The following DNAH7 variants were observed in gnomAD, a reference collection of about 807,000 sequenced individuals.
The protein encoded by DNAH7 is dynein axonemal heavy chain 7, also known as axonemal beta dynein heavy chain 7.
In DNAH7, 397 loss-of-function variants were observed where a neutral mutation model predicts 444.6. That is an observed-to-expected ratio of 0.89 (90% confidence interval 0.82 to 0.97). The LOEUF is 0.97. DNAH7 is among the 50% of genes least tolerant of loss of function. The probability of loss-of-function intolerance (pLI) is 0.00; values close to 1 mark genes in which losing one functional copy is unlikely to be tolerated. For synonymous variants in DNAH7, 1,636 were observed against 1,624.4 expected, an observed-to-expected ratio of 1.01 and a Z score of -0.17; for missense variants, 4,902 against 4,800.8, an observed-to-expected ratio of 1.02 and a Z score of -0.62.
At position 195,895,068 on chromosome 2, in the gene DNAH7, G is replaced by A. The variant is rs186636152; in HGVS notation, c.4804C>T (p.Arg1602Cys). The change falls in exon 30 of 65, where the codon CGT (arginine) becomes TGT (cysteine). Residue 1602 changes from arginine to cysteine, a missense_variant. Coordinates refer to ENST00000312428, the MANE Select transcript of DNAH7 (RefSeq NM_018897.3). Reference protein sequence around the residue: ...ILQVYEMMIVRHGFMIVGEPF... With the variant: ...ILQVYEMMIVCHGFMIVGEPF... ...TCTCCAACAATCATAAAACCATGAC[G>A]CACAATCATCATTTCATATACTTGA... 2.2e-5 allele frequency: 35 copies of A among 1,613,282 alleles called. No individual in the cohort carries two copies. The East Asian group carries it at 6.0e-4, about 28-fold the overall frequency.
chr2:195,938,420 G>A (rs1439071972), intron 19 of DNAH7, among the ~76,000 whole-genome samples: 1 of 149,460 alleles, frequency 6.7e-6, no homozygotes, highest in Non-Finnish European at 1.5e-5. Context: ...CATCATGTTC[G>A]CCTAAATCCA....
intron 49 of DNAH7, among the ~76,000 whole-genome samples, chr2:195,820,936 C>T (rs779259463): frequency 1.3e-4 from 20 of 152,184 alleles, no homozygotes; most frequent in Non-Finnish European, 2.6e-4. Context: ...TTTTATTCCT[C>T]TCAAGGCTCT....
chr2:195,912,887 T>G (rs895820141), intron 24 of DNAH7, among the ~76,000 whole-genome samples: 3 of 152,180 alleles, frequency 2.0e-5, no homozygotes, highest in African/African-American at 7.2e-5. Flanking sequence ...AAATTCAGGC[T>G]CTCAGCCTGA....
chr2:195,864,919 G>A lies in DNAH7; in HGVS notation c.6736C>T (p.His2246Tyr), dbSNP rs1361587243. 6.2e-7 allele frequency: 1 copy of A among 1,612,814 alleles called. No homozygotes were observed. Among genetic ancestry groups the A allele is most frequent in the Admixed American group, 1.7e-5 (1 of 60,008 alleles). The change falls in exon 41 of 65, where the codon CAT (histidine) becomes TAT (tyrosine). Residue 2246 changes from histidine (H) to tyrosine (Y), a missense_variant. Physicochemically the swap from His to Tyr is moderately conservative, Grantham distance 83. Coordinates refer to ENST00000312428, the MANE Select transcript of DNAH7 (RefSeq NM_018897.3). ...AAATCCAAACGCTGAAAAAGCTCATGAAAATCTTCATACATGTAGTTTCTC... is the reference window on the plus strand; with the variant it reads ...AAATCCAAACGCTGAAAAAGCTCATAAAAATCTTCATACATGTAGTTTCTC... ...ILRNYMYEDF[H>Y]ELFQRLDFDN...
At chr2:195,969,213 T>G (rs1264925500) in intron 17 of DNAH7, among the ~76,000 whole-genome samples, 1 of 152,238 alleles carries the variant, frequency 6.6e-6, no homozygotes, top group East Asian at 1.9e-4. Flanking sequence ...TCAGCCATTT[T>G]GTTCCACCTC....
At chr2:196,029,575 T>A (rs1176351588) in intron 5 of DNAH7, among the ~76,000 whole-genome samples, 6 of 152,042 alleles carry the variant, frequency 3.9e-5, no homozygotes, top group African/African-American at 1.4e-4. Context: ...CTCAATAGTT[T>A]CACATATATT....
At position 195,816,979 on chromosome 2, in the gene DNAH7, A is replaced by G; in HGVS notation, c.9426-16T>C. On this transcript the variant is annotated splice_polypyrimidine_tract_variant and intron_variant, in intron 50 of 64. Coordinates refer to ENST00000312428, the MANE Select transcript of DNAH7 (RefSeq NM_018897.3). ...TTTTAACTGCCTGGAATAAAACAAA[A>G]TTTTCTTAGAAGAAAAAGAAGTCAT... 6.5e-7 allele frequency: 1 copy of G among 1,535,048 alleles called. No individual in the cohort carries two copies. Among genetic ancestry groups the G allele is most frequent in the Non-Finnish European group, 8.8e-7 (1 of 1,141,086 alleles).
chr2:195,821,659 T>C (rs1423732484), intron 49 of DNAH7, among the ~76,000 whole-genome samples: 2 of 152,190 alleles, frequency 1.3e-5, no homozygotes, highest in African/African-American at 2.4e-5. Flanking sequence ...GGTAAGTACC[T>C]GCTCTTACAG....
At chr2:195,827,392 C>T (rs1200709479) in intron 48 of DNAH7, among the ~76,000 whole-genome samples, 2 of 151,816 alleles carry the variant, frequency 1.3e-5, no homozygotes, top group Non-Finnish European at 2.9e-5. Flanking sequence ...ATCTTCCCAC[C>T]TCAGCCTCCT....
intron 21 of DNAH7, among the ~76,000 whole-genome samples, chr2:195,931,392 A>C (rs1181845175): frequency 6.6e-6 from 1 of 151,836 alleles, no homozygotes; most frequent in Non-Finnish European, 1.5e-5. Context: ...CTCTGATGGT[A>C]GTTTCTTTTG....
intron 49 of DNAH7, among the ~76,000 whole-genome samples, chr2:195,821,756 T>C (rs1301500963): frequency 6.6e-6 from 1 of 152,236 alleles, no homozygotes; most frequent in Non-Finnish European, 1.5e-5. Context: ...GCATCCAAGA[T>C]GGAGTTGCTT....
At chr2:195,797,412 C>G (rs575506551) in intron 55 of DNAH7, among the ~76,000 whole-genome samples, 2 of 152,186 alleles carry the variant, frequency 1.3e-5, no homozygotes, top group South Asian at 4.2e-4. Context: ...GTAGAGGCAG[C>G]AGAAAACAAA....
At chr2:195,836,699 A>G (rs1457393256) in intron 47 of DNAH7, among the ~76,000 whole-genome samples, 2 of 152,194 alleles carry the variant, frequency 1.3e-5, no homozygotes, top group Admixed American at 6.5e-5. Flanking sequence ...GGAAATTAGA[A>G]AGAAATAAAA....
intron 63 of DNAH7, among the ~76,000 whole-genome samples, chr2:195,751,191 A>G (rs1288508652): frequency 6.6e-6 from 1 of 152,244 alleles, no homozygotes; most frequent in Non-Finnish European, 1.5e-5. Flanking sequence ...TGGTCAGAAT[A>G]ATGGTATGTT....
intron 56 of DNAH7, among the ~76,000 whole-genome samples, 171 bp downstream of exon 56, chr2:195,796,405 T>G (rs1302041625): frequency 2.0e-5 from 3 of 152,166 alleles, no homozygotes; most frequent in African/African-American, 7.2e-5. Context: ...TGTGCTCGCC[T>G]CTGTTCCTCC....
chr2:195,951,644 G>C (rs1690265073), intron 19 of DNAH7, among the ~76,000 whole-genome samples: 1 of 152,072 alleles, frequency 6.6e-6, no homozygotes, highest in Admixed American at 6.6e-5. Flanking sequence ...TGTATATTTA[G>C]GATAGTTAGC....
chr2:195,994,302 A>G, intron 12 of DNAH7: 2 of 488,058 alleles, frequency 4.1e-6, no homozygotes, highest in South Asian at 4.2e-5. Flanking sequence ...ATCAGCATCA[A>G]AGATATCACT....
chr2:195,982,276 G>A (rs117979359), intron 15 of DNAH7, among the ~76,000 whole-genome samples: 1,726 of 152,274 alleles, frequency 0.011, 36 homozygotes, highest in East Asian at 0.075. Context: ...AAACTACAAT[G>A]ACATATCATT....
At chr2:195,900,520 T>C (rs1559202911) in intron 27 of DNAH7, 26 bp from the exon 28 acceptor site, 3 of 1,595,514 alleles carry the variant, frequency 1.9e-6, no homozygotes, top group South Asian at 2.2e-5. Context: ...AAGTTACTTT[T>C]AAAAGGATCA....
Sources: allele counts gnomAD v4.1 joint callset (sites outside exome capture counted in the v4.1 genomes callset), GRCh38; gene constraint gnomAD v4.1.1; transcripts MANE v1.5; gene names NCBI Gene and HGNC (gene_info 2026-07-23, HGNC 2026-07-21).